Variants in CDH18 observed in about 807,000 individuals in gnomAD.
CDH18 encodes the protein cadherin-18.
CDH18 carries 31 observed loss-of-function variants against 67.9 expected under a neutral mutation model. The ratio of observed to expected loss-of-function variants is 0.46; its 90% CI spans 0.34 to 0.62. The LOEUF is 0.62. Among genes scored for constraint, CDH18 ranks in the 20% least tolerant of loss-of-function variants. The probability of loss-of-function intolerance (pLI) is 0.01; values close to 1 mark genes in which losing one functional copy is unlikely to be tolerated. For missense variants in CDH18, 890 were observed against 975.5 expected, an observed-to-expected ratio of 0.91 and a Z score of 1.17; for synonymous variants, 362 against 347.2, an observed-to-expected ratio of 1.04 and a Z score of -0.48.
chr5:19,829,178 T>C (rs1375736973), intron 3 of CDH18, among the ~76,000 whole-genome samples: 1 of 152,174 alleles, frequency 6.6e-6, no homozygotes, highest in African/African-American at 2.4e-5. Flanking sequence ...CTCACACCAC[T>C]GCTGTTCAAT....
chr5:20,344,852 G>A (rs1324388301), intron 1 of CDH18, among the ~76,000 whole-genome samples: 1 of 152,058 alleles, frequency 6.6e-6, no homozygotes, highest in African/African-American at 2.4e-5. Flanking sequence ...TAAAAGATAA[G>A]TAACATATGG....
chr5:20,309,957 G>T (rs887121989), intron 1 of CDH18, among the ~76,000 whole-genome samples: 2 of 151,646 alleles, frequency 1.3e-5, no homozygotes, highest in African/African-American at 4.8e-5. Context: ...TATCTAAGTT[G>T]CTATCCCTTT....
intron 2 of CDH18, among the ~76,000 whole-genome samples, chr5:20,196,426 C>T (rs984254546): frequency 6.6e-6 from 1 of 152,036 alleles, no homozygotes; most frequent in Non-Finnish European, 1.5e-5. Context: ...TGTGAGGGAT[C>T]CAGAAATTAA....
chr5:20,404,653 A>G (rs1018095390), intron 1 of CDH18, among the ~76,000 whole-genome samples: 19 of 152,252 alleles, frequency 1.2e-4, no homozygotes, highest in African/African-American at 4.3e-4. Context: ...TACAATAGTA[A>G]CATGAAAGAC....
intron 2 of CDH18, among the ~76,000 whole-genome samples, chr5:19,954,320 G>A (rs1402234045): frequency 3.3e-5 from 5 of 152,090 alleles, no homozygotes; most frequent in South Asian, 4.1e-4. Context: ...GTTTAATTTT[G>A]TAGATGTATG....
intron 11 of CDH18, among the ~76,000 whole-genome samples, chr5:19,489,463 G>T (rs1035898747): frequency 1.5e-4 from 23 of 151,952 alleles, no homozygotes; most frequent in East Asian, 3.9e-4. Context: ...TGGCCAGGCT[G>T]GTCTCAAACT....
At chr5:20,343,385 C>T (rs568157863) in intron 1 of CDH18, among the ~76,000 whole-genome samples, 1 of 152,258 alleles carries the variant, frequency 6.6e-6, no homozygotes, top group East Asian at 1.9e-4. Context: ...ACTGTCCAGA[C>T]TTGAGCCAGT....
At chr5:19,844,688 A>C (rs1369479096) in intron 2 of CDH18, among the ~76,000 whole-genome samples, 4 of 152,122 alleles carry the variant, frequency 2.6e-5, no homozygotes, top group Admixed American at 2.6e-4. Context: ...CAGTTGAGAA[A>C]TTTTCCACAG....
chr5:20,560,468 T>TAC (rs547246325), intron 1 of CDH18, among the ~76,000 whole-genome samples: 21,047 of 127,420 alleles, frequency 0.17, 1,685 homozygotes, highest in African/African-American at 0.22. Context: ...CCAACACTCA[T>TAC]ACACACACAC....
intron 2 of CDH18, among the ~76,000 whole-genome samples, chr5:20,242,622 ATATATATATATG>A (rs1743048237): frequency 1.9e-5 from 2 of 106,968 alleles, no homozygotes; most frequent in East Asian, 5.2e-4. Flanking sequence ...ATATATATAT[ATATATATATATG>A]TATATATATA....
At chr5:19,760,424 A>G (rs1772179971) in intron 3 of CDH18, among the ~76,000 whole-genome samples, 1 of 152,114 alleles carries the variant, frequency 6.6e-6, no homozygotes, top group South Asian at 2.1e-4. Context: ...TACAACCAGG[A>G]AAGATCAGGC....
At chr5:20,190,889 T>C (rs1000095120) in intron 2 of CDH18, among the ~76,000 whole-genome samples, 10 of 152,138 alleles carry the variant, frequency 6.6e-5, no homozygotes, top group African/African-American at 1.9e-4. Context: ...TGTATAATAA[T>C]CCTTTATGAT....
At chr5:20,394,560 A>C (rs1308274854) in intron 1 of CDH18, among the ~76,000 whole-genome samples, 1 of 152,130 alleles carries the variant, frequency 6.6e-6, no homozygotes, top group Non-Finnish European at 1.5e-5. Flanking sequence ...AAGCAAATTC[A>C]ACAAAAACAA....
rs566524517 is a variant in CDH18, at chr5:19,514,328, T to C, written c.1512+6329A>G. On this transcript the variant is annotated intron_variant, in intron 10 of 12. Transcript: ENST00000382275. ...CATACATTTGCATGTGTCTTTATAGTAGCATGGTGTATAATCCTTTGGGTA... is the reference window on the plus strand; with the variant it reads ...CATACATTTGCATGTGTCTTTATAGCAGCATGGTGTATAATCCTTTGGGTA... 2.6e-5 allele frequency among the ~76,000 whole-genome samples: 4 copies of C among 152,270 alleles called. No homozygotes were observed. The South Asian group carries it at 6.2e-4, about 24-fold the overall frequency.
chr5:20,119,564 AG>A (rs1162734340), intron 2 of CDH18, among the ~76,000 whole-genome samples: 1 of 152,162 alleles, frequency 6.6e-6, no homozygotes, highest in Non-Finnish European at 1.5e-5. Flanking sequence ...TAACAGTTAC[AG>A]GGACCAGAAG....
intron 1 of CDH18, among the ~76,000 whole-genome samples, chr5:20,414,105 T>C (rs1037179354): frequency 3.3e-5 from 5 of 152,204 alleles, no homozygotes; most frequent in Non-Finnish European, 7.3e-5. Flanking sequence ...AGATGGAAAT[T>C]AGTTCAGCTC....
intron 10 of CDH18, among the ~76,000 whole-genome samples, chr5:19,511,285 T>C (rs1745074328): frequency 6.6e-6 from 1 of 150,570 alleles, no homozygotes; most frequent in Non-Finnish European, 1.5e-5. Context: ...CCTTTATACA[T>C]TACCATGTCT....
rs1747009398 is a variant in CDH18 at position 19,522,215 on chromosome 5, A to G, written c.1391-1437T>C. 2.0e-5 allele frequency among the ~76,000 whole-genome samples: 3 copies of G among 152,156 alleles called. No homozygotes were observed. The South Asian group carries it at 6.2e-4, about 31-fold the overall frequency. ...ACTCAAGAACATATTAAGAAATACA[A>G]AAAATAAAATGCAATATTCATATAT... is the stretch of plus-strand genomic sequence containing the variant. On this transcript the variant is annotated intron_variant, in intron 9 of 12. Transcript: ENST00000382275.
intron 2 of CDH18, among the ~76,000 whole-genome samples, chr5:20,077,386 T>C (rs1159988391): frequency 1.3e-5 from 2 of 152,188 alleles, no homozygotes; most frequent in Non-Finnish European, 1.5e-5. Flanking sequence ...CTGAACAAGA[T>C]TGATGACACA....
Sources: allele counts gnomAD v4.1 joint callset (sites outside exome capture counted in the v4.1 genomes callset), GRCh38; gene constraint gnomAD v4.1.1; transcripts MANE v1.5; gene names NCBI Gene and HGNC (gene_info 2026-07-23, HGNC 2026-07-21).